Variants in CCDC146 observed in about 807,000 individuals in gnomAD.
The protein encoded by CCDC146 is coiled-coil domain containing 146.
In CCDC146, 92 loss-of-function variants were observed where a neutral mutation model predicts 119.3. The observed-to-expected ratio is 0.77, with a 90% CI of 0.65 to 0.92. The LOEUF (loss-of-function observed/expected upper bound fraction) is 0.92. Ranked by LOEUF, CCDC146 falls within the 40% of genes least tolerant of loss-of-function variation. The pLI, the probability that CCDC146 is intolerant of heterozygous loss-of-function variation, is 0.00. For missense variants in CCDC146, 1,000 were observed against 1,103.0 expected (o/e 0.91, Z 1.32); for synonymous variants, 372 against 371.8 (o/e 1.00, Z -0.01).
At chr7:77,179,164 G>A (rs922072244) in intron 2 of CCDC146, among the ~76,000 whole-genome samples, 4 of 152,188 alleles carry the variant, frequency 2.6e-5, no homozygotes, top group African/African-American at 4.8e-5. Flanking sequence ...TGGTCAAGCA[G>A]TGAGATGCAA....
rs1793267007 is a variant in CCDC146 at position 77,260,241 on chromosome 7, G to T, written c.986+5G>T. 2 of 1,598,720 alleles carry T rather than the reference G, an allele frequency of 1.3e-6. No individual in the cohort carries two copies. The highest frequency in any genetic ancestry group is 1.7e-6 in the Non-Finnish European group (2 of 1,170,898). On this transcript the variant is annotated splice_donor_5th_base_variant and intron_variant, in intron 8 of 18. Transcript: ENST00000285871. ...AGCAACTTCATTAACTGAAAGGTTA[G>T]TTATATTTATGTATGTTATGTTCTG...
chr7:77,193,435 T>C (rs1286470560), intron 2 of CCDC146: 1 of 152,200 alleles, frequency 6.6e-6, no homozygotes, highest in Non-Finnish European at 1.5e-5. Flanking sequence ...ATTAAATCTT[T>C]TATAAGGTTT....
intron 13 of CCDC146, among the ~76,000 whole-genome samples, chr7:77,279,854 C>T (rs1448324172): frequency 9.2e-5 from 14 of 152,220 alleles, no homozygotes; most frequent in Admixed American, 9.2e-4. Context: ...GTAAACAGTA[C>T]ACGATCAGGG....
chr7:77,217,543 A>C (rs1467896460), intron 2 of CCDC146, among the ~76,000 whole-genome samples: 2 of 136,332 alleles, frequency 1.5e-5, no homozygotes, highest in African/African-American at 2.6e-5. Flanking sequence ...CCTGTTAACT[A>C]TATATACATA....
intron 14 of CCDC146, among the ~76,000 whole-genome samples, chr7:77,281,089 C>T (rs1306897582): frequency 1.4e-5 from 2 of 142,398 alleles, no homozygotes; most frequent in African/African-American, 5.5e-5. Context: ...GGCAACAGAG[C>T]AAGACTCCGT....
In CCDC146 at chr7:77,254,487, TG is replaced by T; in HGVS notation, c.450-18del. On this transcript the variant is annotated intron_variant, in intron 4 of 18. Transcript: ENST00000285871. ...TTATTTCTTTGTACTTTTTCAAACT[TG>T]ATTTTTTTTTTTTGCAGCTTAAAGG... 1 of 1,373,720 alleles carries T rather than the reference TG, an allele frequency of 7.3e-7. No homozygotes were observed. The highest frequency in any genetic ancestry group is 1.8e-4 in the Middle Eastern group (1 of 5,414). The allele number at this position is 1,373,720 out of a possible 1,614,324, so 85.1% of individuals were successfully genotyped here.
In CCDC146 at chr7:77,232,425, T is replaced by A. The variant is rs1264203285; in HGVS notation, c.157-4522T>A. ...ACTGTCCCTCGTCCCAATTTCTCTG[T>A]TAAACTTCTGCTGGTCTGCATCTAT... On this transcript the variant is annotated intron_variant, in intron 2 of 18. Coordinates refer to ENST00000285871, the MANE Select transcript of CCDC146 (RefSeq NM_020879.3). Among the ~76,000 whole-genome samples, 3 of 152,242 alleles carry A rather than the reference T, an allele frequency of 2.0e-5. No individual in the cohort carries two copies. In the East Asian group the frequency reaches 5.8e-4, roughly 29 times the overall value.
At chr7:77,264,243 T>A (rs2150520424) in intron 9 of CCDC146, among the ~76,000 whole-genome samples, 1 of 152,108 alleles carries the variant, frequency 6.6e-6, no homozygotes, top group South Asian at 2.1e-4. Context: ...TTCTGCATGG[T>A]ATTATTTACT....
At chr7:77,246,124 G>A (rs1792945324) in intron 4 of CCDC146, among the ~76,000 whole-genome samples, 1 of 152,124 alleles carries the variant, frequency 6.6e-6, no homozygotes. Flanking sequence ...TCCAAAGGTG[G>A]TTCTCAGCCC....
chr7:77,216,791 C>A (rs773166716), intron 2 of CCDC146, among the ~76,000 whole-genome samples: 1 of 152,060 alleles, frequency 6.6e-6, no homozygotes, highest in Non-Finnish European at 1.5e-5. Flanking sequence ...TTATAATTTG[C>A]TTTTTTGTCA....
At chr7:77,206,897 A>C (rs1562833124) in intron 2 of CCDC146, among the ~76,000 whole-genome samples, 3 of 152,082 alleles carry the variant, frequency 2.0e-5, no homozygotes, top group Non-Finnish European at 4.4e-5. Flanking sequence ...TATTATGGTA[A>C]AGTGAAAATA....
At chr7:77,134,962 A>G (rs2117403306) in intron 1 of CCDC146, among the ~76,000 whole-genome samples, 1 of 152,344 alleles carries the variant, frequency 6.6e-6, no homozygotes. Context: ...CAAGCCCACC[A>G]TATTTGTTAT....
At chr7:77,244,131 G>A (rs1202274321) in intron 4 of CCDC146, among the ~76,000 whole-genome samples, 1 of 152,074 alleles carries the variant, frequency 6.6e-6, no homozygotes, top group African/African-American at 2.4e-5. Flanking sequence ...TAACAAAAAT[G>A]TAAAAGTAAA....
chr7:77,176,186 A>G (rs536347033), intron 2 of CCDC146, among the ~76,000 whole-genome samples: 2 of 151,224 alleles, frequency 1.3e-5, no homozygotes, highest in South Asian at 4.2e-4. Context: ...TAAATCCATT[A>G]TCCTTCTCCG....
intron 4 of CCDC146, among the ~76,000 whole-genome samples, chr7:77,253,708 T>A (rs1793123000): frequency 6.6e-6 from 1 of 152,210 alleles, no homozygotes. Flanking sequence ...GAATACTGTA[T>A]AGAAAAGTAA....
At chr7:77,178,500 CTGTT>C (rs1453648271) in intron 2 of CCDC146, among the ~76,000 whole-genome samples, 1 of 152,150 alleles carries the variant, frequency 6.6e-6, no homozygotes, top group Non-Finnish European at 1.5e-5. Flanking sequence ...ATCTGTCCCT[CTGTT>C]TGTGTGGTTT....
At chr7:77,294,111 A>AG (rs1276735275) in intron 18 of CCDC146, among the ~76,000 whole-genome samples, 11 of 152,178 alleles carry the variant, frequency 7.2e-5, no homozygotes, top group Non-Finnish European at 1.5e-4. Context: ...GTTGAGGCTC[A>AG]GGGCAAAGCT....
chr7:77,186,663 G>T (rs552017834), intron 2 of CCDC146, among the ~76,000 whole-genome samples: 6 of 152,112 alleles, frequency 3.9e-5, no homozygotes, highest in African/African-American at 1.4e-4. Context: ...TGCTTGAGGG[G>T]ATGAATGCCC....
chr7:77,160,473 G>A (rs1791244270), intron 1 of CCDC146, among the ~76,000 whole-genome samples: 1 of 152,108 alleles, frequency 6.6e-6, no homozygotes, highest in Non-Finnish European at 1.5e-5. Context: ...TCTCCTTGAA[G>A]AGGTCCTTCA....
Sources: gnomAD v4.1 joint callset for allele counts (sites outside exome capture counted in the v4.1 genomes callset) on GRCh38, gnomAD v4.1.1 for gene constraint, MANE v1.5 for transcripts, NCBI Gene and HGNC (gene_info 2026-07-23, HGNC 2026-07-21) for gene names.